FAN1: variants seen among roughly 807,000 people sequenced by gnomAD.
The protein encoded by FAN1 is fanconi-associated nuclease 1.
A neutral mutation model predicts 104.9 loss-of-function variants in FAN1; 91 were observed. The ratio of observed to expected loss-of-function variants is 0.87; its 90% confidence interval spans 0.73 to 1.03. FAN1 has a LOEUF of 1.03. FAN1 is among the 50% of genes least tolerant of loss of function. The pLI is 0.00. For synonymous variants in FAN1, 478 were observed against 457.6 expected, an observed-to-expected ratio of 1.04 and a Z score of -0.57; for missense variants, 1,263 against 1,239.9, an observed-to-expected ratio of 1.02 and a Z score of -0.28.
At chr15:30,927,286 C>A in intron 10 of FAN1, 1 of 985,404 alleles carries the variant, frequency 1.0e-6, no homozygotes, top group South Asian at 4.7e-5. Context: ...TTCACCAGGA[C>A]GGAACACTGA....
chr15:30,937,793 G>A (rs2062903279), intron 14 of FAN1, among the ~76,000 whole-genome samples: 1 of 151,532 alleles, frequency 6.6e-6, no homozygotes. Context: ...AAATTTTGTT[G>A]ACCATTATTG....
chr15:30,936,366 G>C (rs1463042042), intron 13 of FAN1, among the ~76,000 whole-genome samples: 2 of 152,022 alleles, frequency 1.3e-5, no homozygotes, highest in South Asian at 4.1e-4. Flanking sequence ...GCAAGTGGAA[G>C]TGAGGGCCTT....
rs2063073189 is a variant in FAN1, at chr15:30,942,044, A to T, written c.*482A>T. ...GATTCCATTCTTTAAGGCAGACGGCATTCCTCTTAGTGTGGAGCTGTAGCT... is the reference window on the plus strand; with the variant it reads ...GATTCCATTCTTTAAGGCAGACGGCTTTCCTCTTAGTGTGGAGCTGTAGCT... On this transcript the variant is annotated 3_prime_UTR_variant, in exon 15 of 15. Transcript: ENST00000362065. 1.2e-6 allele frequency: 2 copies of T among 1,613,966 alleles called. No individual in the cohort carries two copies. Among genetic ancestry groups the T allele is most frequent in the East Asian group, 4.5e-5 (2 of 44,890 alleles).
In FAN1 at chr15:30,904,601, GCTAT is replaced by G. The variant is rs1351698964; in HGVS notation, c.-60_-57del. 1.3e-6 allele frequency: 2 copies of G among 1,501,466 alleles called. No individual in the cohort carries two copies. Among genetic ancestry groups the G allele is most frequent in the Non-Finnish European group, 9.2e-7 (1 of 1,082,576 alleles). The allele number at this position is 1,501,466 out of a possible 1,614,324, so 93.0% of individuals were successfully genotyped here. Reference sequence around the variant, plus strand: ...GTCAAGAAAGTAAAAGTAAACCATTGCTATCTTTCACCTTAAATATCCTGTGTTT... The same window carrying G: ...GTCAAGAAAGTAAAAGTAAACCATTGCTTTCACCTTAAATATCCTGTGTTT... On this transcript the variant is annotated 5_prime_UTR_variant, in exon 2 of 15. It introduces an in-frame stop codon into an upstream open reading frame of the 5' UTR. Coordinates refer to ENST00000362065, the MANE Select transcript of FAN1 (RefSeq NM_014967.5).
chr15:30,907,126 G>A (rs7170006), intron 2 of FAN1, among the ~76,000 whole-genome samples: 1 of 151,418 alleles, frequency 6.6e-6, no homozygotes, highest in Admixed American at 6.6e-5. Context: ...TGTTGCCCAG[G>A]CTGGAGTGCA....
rs1177964991 is a variant in FAN1, at chr15:30,925,835, C to T, written c.2384C>T (p.Ser795Phe). Residue 795 changes from serine (S) to phenylalanine (F), a missense_variant, in exon 10 of 15, where the codon TCT becomes TTT. Ser to Phe is a radical substitution (Grantham distance 155, BLOSUM62 -2). Transcript: ENST00000362065. ...TGCCCACAGCGTGGGATGTGCAAGT[C>T]TGTGTTTGTGATGGAGGCCGGGGAG... is the stretch of plus-strand genomic sequence containing the variant. Reference protein sequence around the residue: ...RLCPQRGMCKSVFVMEAGEAA... With the variant: ...RLCPQRGMCKFVFVMEAGEAA... 3.1e-6 allele frequency: 5 copies of T among 1,614,116 alleles called. No individual in the cohort carries two copies. The highest frequency in any genetic ancestry group is 4.2e-6 in the Non-Finnish European group (5 of 1,180,046).
chr15:30,939,685 G>A, intron 14 of FAN1: 1 of 958,304 alleles, frequency 1.0e-6, no homozygotes, highest in Non-Finnish European at 1.2e-6. Context: ...GAAAATTACA[G>A]AGGGAAAAAT....
chr15:30,929,080 AT>A, intron 11 of FAN1, 122 bp from the exon 12 acceptor site: 2 of 860,474 alleles, frequency 2.3e-6, no homozygotes, highest in Non-Finnish European at 3.6e-6. Flanking sequence ...ACTTTTACTT[AT>A]CTTTTGAGAG....
intron 5 of FAN1, among the ~76,000 whole-genome samples, chr15:30,917,027 T>C (rs2062211661): frequency 6.6e-6 from 1 of 152,138 alleles, no homozygotes; most frequent in African/African-American, 2.4e-5. Context: ...TTGGAGGAAC[T>C]CAGGAGACCC....
chr15:30,929,465 C>A, intron 12 of FAN1, 68 bp downstream of exon 12: 2 of 1,232,426 alleles, frequency 1.6e-6, no homozygotes, highest in Non-Finnish European at 2.3e-6. Context: ...GTCTTTTCAG[C>A]AACTTTATCA....
At chr15:30,914,146 A>G (rs2062153975) in intron 5 of FAN1, 55 bp downstream of exon 5, 1 of 1,314,988 alleles carries the variant, frequency 7.6e-7, no homozygotes, top group East Asian at 2.3e-5. Flanking sequence ...CAATTTAGTA[A>G]AAGGTTTTGT....
At chr15:30,907,992 A>T in intron 2 of FAN1, 126 bp from the exon 3 acceptor site, 1 of 609,240 alleles carries the variant, frequency 1.6e-6, no homozygotes, top group East Asian at 3.3e-5. Context: ...AAAATGGTTT[A>T]TTCCATAAAA....
In FAN1 at chr15:30,905,201, A is replaced by T; in HGVS notation, c.538A>T (p.Ser180Cys). Residue 180 changes from serine (S) to cysteine (C), a missense_variant, in exon 2 of 15, where the codon AGT becomes TGT. Ser to Cys is a moderately radical substitution (Grantham distance 112). Transcript: ENST00000362065. ...TAAGGATGAAGAATTTGCCGGTTCTAGTCCACAGAGTTCCAAATCCACAGT... is the reference window on the plus strand; with the variant it reads ...TAAGGATGAAGAATTTGCCGGTTCTTGTCCACAGAGTTCCAAATCCACAGT... Reference protein sequence around the residue: ...IDKDEEFAGSSPQSSKSTVVK... With the variant: ...IDKDEEFAGSCPQSSKSTVVK... 6.2e-7 allele frequency: 1 copy of T among 1,613,824 alleles called. No homozygotes were observed. The highest frequency in any genetic ancestry group is 1.1e-5 in the South Asian group (1 of 91,086).
rs369453242 is a variant in FAN1, at chr15:30,941,938, G to C, written c.*376G>C. ...AATACTGCTCCGTATCACTGTTCTG[G>C]CTGTCGGTTTGCTGAGCTGGATCTG... On this transcript the variant is annotated 3_prime_UTR_variant, in exon 15 of 15. Transcript: ENST00000362065. 7.4e-6 allele frequency: 12 copies of C among 1,613,908 alleles called. No individual in the cohort carries two copies. Among genetic ancestry groups the C allele is most frequent in the African/African-American group, 1.3e-5 (1 of 74,918 alleles).
At position 30,925,737 on chromosome 15, in the gene FAN1, AG is replaced by A; in HGVS notation, c.2338-49del. On this transcript the variant is annotated intron_variant, in intron 9 of 14. Coordinates refer to ENST00000362065, the MANE Select transcript of FAN1 (RefSeq NM_014967.5). ...CTCACGATGCTACAGGCAGGTTTTC[AG>A]GGACTTTTGCTGACCTGAGGCTAAT... 17 of 1,602,834 alleles carry A rather than the reference AG, an allele frequency of 1.1e-5. No homozygotes were observed. In the South Asian group the frequency reaches 1.8e-4, roughly 17 times the overall value.
Position 30,941,404 on chromosome 15 carries a change from T to A in FAN1, c.*4-162T>A, listed in dbSNP as rs547375227. On this transcript the variant is annotated intron_variant, in intron 14 of 14. Transcript: ENST00000362065. ...TTATTAGAGATTCAAACGCCTAGGT[T>A]AGCAATGTTAATTCAGAGGAAAAAA... 62 of 1,560,180 alleles carry A rather than the reference T, an allele frequency of 4.0e-5. No homozygotes were observed. The African/African-American group carries it at 7.9e-4, about 20-fold the overall frequency.
chr15:30,908,294 T>A, intron 3 of FAN1, 36 bp downstream of exon 3: 3 of 1,538,064 alleles, frequency 2.0e-6, no homozygotes, highest in South Asian at 2.6e-5. Flanking sequence ...AATGAAAATA[T>A]GATCTGAAGA....
chr15:30,928,925 C>T lies in FAN1; in HGVS notation c.2592+269C>T, dbSNP rs181692230. ...CATCAGCATCAGCCCTCCCGAGCAC[C>T]TGCCGTGTCGCAGGCACTGTGCCAA... is the stretch of plus-strand genomic sequence containing the variant. On this transcript the variant is annotated intron_variant, in intron 11 of 14. Transcript: ENST00000362065. 1.2e-3 allele frequency: 545 copies of T among 442,268 alleles called. 2 individuals carry two copies. The highest frequency in any genetic ancestry group is 1.5e-3 in the Non-Finnish European group (498 of 333,456). 27.4% of individuals were successfully genotyped at this position (442,268 alleles called of 1,614,324 possible). A position where few individuals can be genotyped will look rare whatever the true frequency, so the allele number is the denominator to read the frequency against.
At chr15:30,938,734 G>T (rs1425039869) in intron 14 of FAN1, among the ~76,000 whole-genome samples, 1 of 152,180 alleles carries the variant, frequency 6.6e-6, no homozygotes, top group Non-Finnish European at 1.5e-5. Flanking sequence ...GGAAGGACCA[G>T]TTAGGGCATG....
Sources: gnomAD v4.1 joint callset for allele counts (sites outside exome capture counted in the v4.1 genomes callset) on GRCh38, gnomAD v4.1.1 for gene constraint, MANE v1.5 for transcripts, NCBI Gene and HGNC (gene_info 2026-07-23, HGNC 2026-07-21) for gene names.